PDE4B: variants seen among roughly 807,000 people sequenced by gnomAD.
PDE4B encodes phosphodiesterase 4B.
In PDE4B, 20 loss-of-function variants were observed where a neutral mutation model predicts 82.2. The observed-to-expected ratio is 0.24, with a 90% CI of 0.17 to 0.35. The LOEUF is 0.35. Among genes scored for constraint, PDE4B ranks in the 10% least tolerant of loss-of-function variants. The pLI is 1.00. For missense variants in PDE4B, 655 were observed against 907.2 expected (o/e 0.72, Z 3.57); for synonymous variants, 320 against 318.9 (o/e 1.00, Z -0.04).
chr1:65,887,468 A>C (rs12411066), intron 1 of PDE4B, among the ~76,000 whole-genome samples: 11,614 of 105,076 alleles, frequency 0.11, 717 homozygotes, highest in Middle Eastern at 0.23. Context: ...CCCTGGCTGG[A>C]GTACAGTGGT....
chr1:66,253,763 T>A (rs766241144), intron 4 of PDE4B, among the ~76,000 whole-genome samples: 2 of 152,254 alleles, frequency 1.3e-5, no homozygotes, highest in Non-Finnish European at 2.9e-5. Flanking sequence ...TCTGTTACTT[T>A]CTATAAATTA....
intron 3 of PDE4B, among the ~76,000 whole-genome samples, chr1:65,987,703 C>T (rs1036766483): frequency 1.1e-4 from 17 of 152,280 alleles, no homozygotes; most frequent in Non-Finnish European, 1.8e-4. Context: ...ACCTCCACTT[C>T]CTGGGTTCCA....
intron 3 of PDE4B, among the ~76,000 whole-genome samples, chr1:66,030,383 A>G (rs931112889): frequency 2.0e-5 from 3 of 152,152 alleles, no homozygotes; most frequent in Non-Finnish European, 4.4e-5. Flanking sequence ...GTTAGGGAGA[A>G]GCCCCTCCTC....
chr1:66,170,128 C>T (rs1269647365), intron 3 of PDE4B, among the ~76,000 whole-genome samples: 1 of 152,100 alleles, frequency 6.6e-6, no homozygotes, highest in Non-Finnish European at 1.5e-5. Context: ...ATATGAATAG[C>T]GTACCAGCTT....
At chr1:65,818,938 G>A (rs998224282) in intron 1 of PDE4B, among the ~76,000 whole-genome samples, 1 of 152,114 alleles carries the variant, frequency 6.6e-6, no homozygotes, top group African/African-American at 2.4e-5. Context: ...CCAAATTTCA[G>A]TGGCTTCTTA....
Position 65,885,737 on chromosome 1 carries a change from G to A in PDE4B, c.-70-27508G>A, listed in dbSNP as rs537354023. Among the ~76,000 whole-genome samples the A allele has an allele frequency of 1.4e-4, 21 of 151,988 alleles. No individual in the cohort carries two copies. In the East Asian group the frequency reaches 3.9e-3, roughly 28 times the overall value. On this transcript the variant is annotated intron_variant, in intron 1 of 16. Coordinates refer to ENST00000341517, the MANE Select transcript of PDE4B (RefSeq NM_002600.4). ...GGGGTGGGGGAAGTGGGGAGGGAAA[G>A]CATTAGGAGATATACCTAATGTAAG... is the stretch of plus-strand genomic sequence containing the variant.
intron 3 of PDE4B, chr1:65,992,765 A>G: frequency 7.1e-7 from 1 of 1,403,218 alleles, no homozygotes; most frequent in Non-Finnish European, 9.2e-7. Context: ...TTGCTCTAAG[A>G]CGCTCATACA....
At chr1:66,335,703 G>T (rs145152127) in intron 8 of PDE4B, among the ~76,000 whole-genome samples, 102 of 152,264 alleles carry the variant, frequency 6.7e-4, no homozygotes, top group Middle Eastern at 3.4e-3. Flanking sequence ...TTTCCTCCAA[G>T]AATTACTAGA....
At chr1:66,179,518 A>G (rs1647015867) in intron 3 of PDE4B, among the ~76,000 whole-genome samples, 1 of 152,220 alleles carries the variant, frequency 6.6e-6, no homozygotes, top group Admixed American at 6.5e-5. Flanking sequence ...TGAAGGAAAA[A>G]AAAAGTATAT....
intron 3 of PDE4B, among the ~76,000 whole-genome samples, chr1:66,137,877 A>C (rs937281942): frequency 1.3e-4 from 20 of 152,230 alleles, no homozygotes; most frequent in African/African-American, 4.1e-4. Context: ...ATTCTGGGAA[A>C]TCAAATATGT....
intron 3 of PDE4B, among the ~76,000 whole-genome samples, chr1:66,093,100 G>T (rs1645055137): frequency 6.6e-6 from 1 of 152,008 alleles, no homozygotes. Context: ...GTAGGACAGG[G>T]TTTGTGGCAT....
intron 3 of PDE4B, among the ~76,000 whole-genome samples, chr1:66,031,379 G>A (rs11577275): frequency 0.22 from 33,223 of 152,146 alleles, 4,141 homozygotes; most frequent in Middle Eastern, 0.36. Flanking sequence ...GAAGGAAAGT[G>A]ATTCTCAATC....
chr1:65,998,584 A>G (rs193178443), intron 3 of PDE4B, among the ~76,000 whole-genome samples: 3 of 152,272 alleles, frequency 2.0e-5, no homozygotes, highest in Non-Finnish European at 4.4e-5. Flanking sequence ...CTTATTTTGT[A>G]TATCCCGTAA....
intron 3 of PDE4B, among the ~76,000 whole-genome samples, chr1:65,978,581 A>G (rs1334766924): frequency 2.6e-5 from 4 of 152,148 alleles, no homozygotes; most frequent in Non-Finnish European, 4.4e-5. Context: ...TGTTTCCCCA[A>G]GTATTTTCAC....
At chr1:65,828,403 G>C (rs866411088) in intron 1 of PDE4B, among the ~76,000 whole-genome samples, 1 of 151,940 alleles carries the variant, frequency 6.6e-6, no homozygotes, top group African/African-American at 2.4e-5. Context: ...GCGCCACCAT[G>C]CCTGTCTAAT....
intron 1 of PDE4B, among the ~76,000 whole-genome samples, chr1:65,827,793 A>G (rs1410963640): frequency 6.6e-6 from 1 of 152,194 alleles, no homozygotes; most frequent in African/African-American, 2.4e-5. Flanking sequence ...TATAGATCCA[A>G]AAGCTGGAAG....
intron 3 of PDE4B, among the ~76,000 whole-genome samples, chr1:66,159,835 C>T (rs1021799623): frequency 6.6e-6 from 1 of 152,178 alleles, no homozygotes; most frequent in East Asian, 1.9e-4. Flanking sequence ...AGAGCAGCTG[C>T]CATTTATTGT....
intron 3 of PDE4B, among the ~76,000 whole-genome samples, chr1:66,008,552 A>T (rs1243636338): frequency 1.3e-5 from 2 of 151,946 alleles, no homozygotes; most frequent in Non-Finnish European, 2.9e-5. Flanking sequence ...TAAACATGCT[A>T]TTTCCCTTTA....
chr1:66,190,583 C>G (rs1027578567), intron 3 of PDE4B, among the ~76,000 whole-genome samples: 7 of 152,188 alleles, frequency 4.6e-5, no homozygotes, highest in African/African-American at 1.7e-4. Context: ...AGTTTGATCT[C>G]AGACTGCTGT....
Sources: gnomAD v4.1 joint callset for allele counts (sites outside exome capture counted in the v4.1 genomes callset) on GRCh38, gnomAD v4.1.1 for gene constraint, MANE v1.5 for transcripts, NCBI Gene and HGNC (gene_info 2026-07-23, HGNC 2026-07-21) for gene names.